Variants in DNAAF11 observed in about 807,000 individuals in gnomAD.
The protein encoded by DNAAF11 is dynein axonemal assembly factor 11.
DNAAF11 carries 45 observed loss-of-function variants against 60.8 expected under a neutral mutation model. That is an observed-to-expected ratio of 0.74 (90% confidence interval 0.58 to 0.95). The LOEUF is 0.95. Ranked by LOEUF, DNAAF11 falls within the 40% of genes least tolerant of loss-of-function variation. The pLI is 0.00. For synonymous variants in DNAAF11, 191 were observed against 183.5 expected (o/e 1.04, Z -0.33); for missense variants, 546 against 546.2 (o/e 1.00, Z 0.00).
At chr8:132,637,203 A>C (rs1228772958) in intron 4 of DNAAF11, among the ~76,000 whole-genome samples, 1 of 152,228 alleles carries the variant, frequency 6.6e-6, no homozygotes, top group Admixed American at 6.5e-5. Context: ...AGATTTTGTT[A>C]GAAATGTGAA....
intron 10 of DNAAF11, among the ~76,000 whole-genome samples, chr8:132,590,602 T>C (rs1182349137): frequency 6.6e-6 from 1 of 152,230 alleles, no homozygotes; most frequent in Non-Finnish European, 1.5e-5. Context: ...TTATGTTGTG[T>C]TTCTCACACC....
At chr8:132,588,396 G>A (rs1816121620) in intron 10 of DNAAF11, among the ~76,000 whole-genome samples, 1 of 152,028 alleles carries the variant, frequency 6.6e-6, no homozygotes, top group Non-Finnish European at 1.5e-5. Flanking sequence ...TCTTTCTCTT[G>A]GATATTTCAC....
At chr8:132,694,410 A>G in the DNAAF11 span, among the ~76,000 whole-genome samples, 1 of 152,176 alleles carries the variant, frequency 6.6e-6, no homozygotes, top group East Asian at 1.9e-4. Flanking sequence ...GTGAAGATGC[A>G]GGGAGAAGAT....
chr8:132,650,780 C>T (rs1280404967), intron 3 of DNAAF11, among the ~76,000 whole-genome samples: 3 of 151,756 alleles, frequency 2.0e-5, no homozygotes, highest in African/African-American at 7.3e-5. Context: ...TAGGAGGCTC[C>T]GGAAGACATT....
At chr8:132,677,213 T>C (rs1825793347), upstream of DNAAF11, among the ~76,000 whole-genome samples, 1 of 152,194 alleles carries the variant, frequency 6.6e-6, no homozygotes, top group South Asian at 2.1e-4. Context: ...CAAATTCGCC[T>C]GTGCTTGAAT....
At chr8:132,580,343 G>T (rs1168723852) in intron 11 of DNAAF11, among the ~76,000 whole-genome samples, 1 of 152,174 alleles carries the variant, frequency 6.6e-6, no homozygotes, top group Non-Finnish European at 1.5e-5. Context: ...GCAAGCTGTG[G>T]TTCTTTGCAG....
intron 1 of DNAAF11, among the ~76,000 whole-genome samples, chr8:132,671,331 T>C (rs1005425165): frequency 1.3e-5 from 2 of 152,186 alleles, no homozygotes; most frequent in Non-Finnish European, 2.9e-5. Context: ...CAGAAAAATA[T>C]GTGCAAAGTC....
intron 7 of DNAAF11, among the ~76,000 whole-genome samples, chr8:132,620,795 T>G (rs1348047704): frequency 2.0e-5 from 3 of 152,158 alleles, no homozygotes; most frequent in South Asian, 2.1e-4. Flanking sequence ...ACATAAGAAA[T>G]GGTGTCTAGT....
chr8:132,638,922 C>T (rs1189944999), intron 3 of DNAAF11, among the ~76,000 whole-genome samples: 1 of 152,180 alleles, frequency 6.6e-6, no homozygotes, highest in African/African-American at 2.4e-5. Context: ...CAAGTGCTTC[C>T]TCTACCTCAT....
At chr8:132,584,167 G>A (rs1815638599) in intron 10 of DNAAF11, among the ~76,000 whole-genome samples, 1 of 152,128 alleles carries the variant, frequency 6.6e-6, no homozygotes, top group Non-Finnish European at 1.5e-5. Flanking sequence ...TCTGAGATGG[G>A]AGCTTGAATC....
chr8:132,677,520 G>A (rs1022081730), upstream of DNAAF11, among the ~76,000 whole-genome samples: 5 of 152,144 alleles, frequency 3.3e-5, no homozygotes, highest in African/African-American at 1.2e-4. Context: ...AAGAGCAATT[G>A]CAACCCAGGT....
chr8:132,685,897 C>T, the DNAAF11 span, among the ~76,000 whole-genome samples: 1 of 152,180 alleles, frequency 6.6e-6, no homozygotes, highest in African/African-American at 2.4e-5. Flanking sequence ...CCCATTAATC[C>T]AATGACCCTT....
intron 10 of DNAAF11, among the ~76,000 whole-genome samples, chr8:132,601,092 C>T (rs777878280): frequency 6.6e-6 from 1 of 152,168 alleles, no homozygotes; most frequent in Non-Finnish European, 1.5e-5. Flanking sequence ...AATCAAACAA[C>T]TCCATCAAAA....
At chr8:132,620,774 T>G (rs978900291) in intron 7 of DNAAF11, among the ~76,000 whole-genome samples, 6 of 151,904 alleles carry the variant, frequency 3.9e-5, no homozygotes, top group Admixed American at 2.6e-4. Flanking sequence ...GTGGAGGGAG[T>G]TCCCCCAGGA....
chr8:132,680,181 A>C (rs1000750274), upstream of DNAAF11, among the ~76,000 whole-genome samples: 1 of 152,250 alleles, frequency 6.6e-6, no homozygotes, highest in African/African-American at 2.4e-5. Flanking sequence ...AGCTCTAAGT[A>C]AAGTCAAGTT....
chr8:132,616,323 T>G (rs1282685455), intron 7 of DNAAF11, among the ~76,000 whole-genome samples: 1 of 152,098 alleles, frequency 6.6e-6, no homozygotes, highest in African/African-American at 2.4e-5. Context: ...CTTCCCTTTT[T>G]TCTTCTTTAT....
At chr8:132,578,890 G>A (rs1367853560) in intron 11 of DNAAF11, among the ~76,000 whole-genome samples, 1 of 152,202 alleles carries the variant, frequency 6.6e-6, no homozygotes, top group Non-Finnish European at 1.5e-5. Flanking sequence ...GAAGACAGAG[G>A]CCAAGGCCCT....
upstream of DNAAF11, among the ~76,000 whole-genome samples, chr8:132,678,351 A>C (rs568823738): frequency 2.0e-5 from 3 of 152,344 alleles, no homozygotes; most frequent in African/African-American, 7.2e-5. Flanking sequence ...ATGTACAACC[A>C]ATAACTAATC....
Position 132,606,653 on chromosome 8 carries a change from G to A in DNAAF11, c.1140+3513C>T, listed in dbSNP as rs147086669. On this transcript the variant is annotated intron_variant, in intron 10 of 11. Transcript: ENST00000620350. ...CCTGAGTAGCTGGGACTAGAGGCAT[G>A]AGCCACAGTTCCTGGCTAATTTTAA... 1.6e-3 allele frequency among the ~76,000 whole-genome samples: 249 copies of A among 151,140 alleles called. 1 individual carries two copies. Among genetic ancestry groups the A allele is most frequent in the African/African-American group, 5.6e-3 (226 of 40,632 alleles).
Sources: allele counts gnomAD v4.1 joint callset (sites outside exome capture counted in the v4.1 genomes callset), GRCh38; gene constraint gnomAD v4.1.1; transcripts MANE v1.5; gene names NCBI Gene and HGNC (gene_info 2026-07-23, HGNC 2026-07-21).